Variants in LEKR1 observed in about 807,000 individuals in gnomAD.
LEKR1 encodes the protein protein LEKR1.
In LEKR1, 59 loss-of-function variants were observed where a neutral mutation model predicts 72.4. The observed-to-expected ratio is 0.82, with a 90% confidence interval of 0.66 to 1.01. LEKR1 has a LOEUF of 1.01. Ranked by LOEUF, LEKR1 falls within the 50% of genes least tolerant of loss-of-function variation. The pLI, the probability that LEKR1 is intolerant of heterozygous loss-of-function variation, is 0.00. For synonymous variants in LEKR1, 257 were observed against 263.2 expected (o/e 0.98, Z 0.23); for missense variants, 728 against 759.2 (o/e 0.96, Z 0.48).
At chr3:156,864,990 A>G (rs919471375) in intron 3 of LEKR1, among the ~76,000 whole-genome samples, 3 of 151,988 alleles carry the variant, frequency 2.0e-5, no homozygotes, top group African/African-American at 4.8e-5. Flanking sequence ...CTCTTGAGGT[A>G]GGCTTCTGAA....
intron 5 of LEKR1, among the ~76,000 whole-genome samples, chr3:156,936,070 T>C (rs1033594370): frequency 1.1e-4 from 17 of 152,188 alleles, no homozygotes; most frequent in Admixed American, 1.3e-4. Flanking sequence ...TTAATGTGTA[T>C]TTCTAGTTGT....
At chr3:156,915,079 T>C (rs146814888) in intron 3 of LEKR1, among the ~76,000 whole-genome samples, 39 of 152,252 alleles carry the variant, frequency 2.6e-4, no homozygotes, top group African/African-American at 8.9e-4. Context: ...CTAAGGATAA[T>C]GGCCTCCAAC....
chr3:156,983,180 T>C (rs1034137419), intron 7 of LEKR1, among the ~76,000 whole-genome samples: 4 of 152,156 alleles, frequency 2.6e-5, no homozygotes, highest in Non-Finnish European at 5.9e-5. Flanking sequence ...TTTCTAGGAA[T>C]TCCTGAAAGG....
chr3:156,888,340 T>A (rs1363547764), intron 3 of LEKR1: 2 of 702,322 alleles, frequency 2.8e-6, no homozygotes, highest in Admixed American at 4.0e-5. Context: ...AGTAGAACAT[T>A]GCCAGCTGAA....
At chr3:156,874,404 A>G (rs1311474407) in intron 3 of LEKR1, among the ~76,000 whole-genome samples, 1 of 152,054 alleles carries the variant, frequency 6.6e-6, no homozygotes, top group African/African-American at 2.4e-5. Context: ...GCTTTTTCAT[A>G]TACTACCTCT....
intron 3 of LEKR1, among the ~76,000 whole-genome samples, chr3:156,910,456 A>G (rs187186311): frequency 1.9e-3 from 283 of 152,300 alleles, no homozygotes; most frequent in Admixed American, 6.2e-3. Flanking sequence ...TAATTGAATC[A>G]TGGAGGGATT....
chr3:156,853,129 A>G, intron 3 of LEKR1, 147 bp downstream of exon 3: 1 of 381,506 alleles, frequency 2.6e-6, no homozygotes, highest in Non-Finnish European at 4.5e-6. Context: ...ATTAATAATT[A>G]CTAAATATAA....
In LEKR1 at chr3:156,927,563, T is replaced by C. The variant is rs753655738; in HGVS notation, c.518T>C (p.Val173Ala). Reference sequence around the variant, plus strand: ...AACTGGACTTCATTGAAAGGAGCAGTTTTTCTACAAATTAAATCTATAAGT... The same window carrying C: ...AACTGGACTTCATTGAAAGGAGCAGCTTTTCTACAAATTAAATCTATAAGT... Reference protein sequence around the residue: ...YQNWTSLKGAVFLQIKSISET... With the variant: ...YQNWTSLKGAAFLQIKSISET... The change falls in exon 5 of 13, where the codon GTT becomes GCT. Residue 173 changes from valine to alanine, a missense_variant. Transcript: ENST00000356539. The C allele has an allele frequency of 1.6e-6, 2 of 1,239,500 alleles. 1 individual carries two copies. The highest frequency in any genetic ancestry group is 2.8e-5 in the South Asian group (2 of 70,332). 76.8% of individuals were successfully genotyped at this position (1,239,500 alleles called of 1,614,324 possible).
chr3:156,992,470 C>G (rs570202019), intron 7 of LEKR1, among the ~76,000 whole-genome samples, 183 bp from the exon 8 acceptor site: 2 of 152,006 alleles, frequency 1.3e-5, no homozygotes, highest in African/African-American at 2.4e-5. Flanking sequence ...TATTTACATG[C>G]AAATCAGTCT....
At chr3:156,926,011 GC>G (rs1263883503) in intron 4 of LEKR1, among the ~76,000 whole-genome samples, 2 of 151,922 alleles carry the variant, frequency 1.3e-5, no homozygotes, top group Non-Finnish European at 2.9e-5. Flanking sequence ...GCCTAAAGAA[GC>G]AAATCGTAAT....
chr3:157,022,770 G>A (rs557502402), intron 10 of LEKR1, among the ~76,000 whole-genome samples: 2 of 152,256 alleles, frequency 1.3e-5, no homozygotes, highest in South Asian at 4.2e-4. Context: ...TGCCCCCTGA[G>A]ACTTCCTTTG....
At chr3:156,885,970 CTAAGT>C (rs1227487540) in intron 3 of LEKR1, among the ~76,000 whole-genome samples, 1 of 152,140 alleles carries the variant, frequency 6.6e-6, no homozygotes, top group Non-Finnish European at 1.5e-5. Flanking sequence ...CCTAAGATGG[CTAAGT>C]TAAGTATTTT....
intron 3 of LEKR1, among the ~76,000 whole-genome samples, chr3:156,874,608 T>A (rs1418590565): frequency 6.6e-6 from 1 of 152,094 alleles, no homozygotes; most frequent in Non-Finnish European, 1.5e-5. Flanking sequence ...TCTTTAGCGG[T>A]AATTTCTGAG....
At chr3:156,898,684 T>A (rs931683287) in intron 3 of LEKR1, among the ~76,000 whole-genome samples, 2 of 152,186 alleles carry the variant, frequency 1.3e-5, no homozygotes, top group Non-Finnish European at 2.9e-5. Context: ...CCCAAAACTA[T>A]TATTTCCAGT....
chr3:156,915,614 GT>G (rs776638757), intron 3 of LEKR1, among the ~76,000 whole-genome samples: 1 of 150,560 alleles, frequency 6.6e-6, no homozygotes, highest in Non-Finnish European at 1.5e-5. Flanking sequence ...TTGTTTGTTT[GT>G]TTTTTTTCTT....
chr3:156,993,182 A>T lies in LEKR1; in HGVS notation c.1014A>T (p.Ile338=). Residue 338 remains isoleucine (I), a synonymous_variant, in exon 9 of 13, where the codon ATA becomes ATT. Coordinates refer to ENST00000356539, the MANE Select transcript of LEKR1 (RefSeq NM_001004316.3). ...LTVKEKQEED[I]KRRINLAENE... ...TGAAAGAAAAGCAAGAAGAAGACAT[A>T]AAGAGAAGAATTAACCTTGCAGAAA... The T allele has an allele frequency of 6.2e-7, 1 of 1,612,070 alleles. No individual in the cohort carries two copies. Among genetic ancestry groups the T allele is most frequent in the Non-Finnish European group, 8.5e-7 (1 of 1,178,450 alleles).
chr3:156,875,992 CAAAAAAA>C (rs55816001), intron 3 of LEKR1, among the ~76,000 whole-genome samples: 1 of 70,178 alleles, frequency 1.4e-5, no homozygotes, highest in Non-Finnish European at 2.6e-5. Flanking sequence ...GACTCCATCT[CAAAAAAA>C]AAAAAAAAAA....
chr3:156,834,664 A>C (rs1712875274), intron 2 of LEKR1, among the ~76,000 whole-genome samples: 1 of 152,208 alleles, frequency 6.6e-6, no homozygotes, highest in African/African-American at 2.4e-5. Context: ...GACTCTTCCT[A>C]GCCTAGTCAG....
intron 4 of LEKR1, among the ~76,000 whole-genome samples, chr3:156,922,743 G>C (rs1724328484): frequency 6.6e-6 from 1 of 152,038 alleles, no homozygotes; most frequent in Admixed American, 6.6e-5. Flanking sequence ...CAAATTAATT[G>C]TAGAAGGCCT....
Sources: allele counts gnomAD v4.1 joint callset (sites outside exome capture counted in the v4.1 genomes callset), GRCh38; gene constraint gnomAD v4.1.1; transcripts MANE v1.5; gene names NCBI Gene and HGNC (gene_info 2026-07-23, HGNC 2026-07-21).